Variants in NEB observed in about 807,000 individuals in gnomAD.
NEB encodes nemaline myopathy type 2.
Under a neutral mutation model 952.2 loss-of-function variants are expected in NEB, and 512 were observed. That is an observed-to-expected ratio of 0.54 (90% CI 0.50 to 0.58). The LOEUF (loss-of-function observed/expected upper bound fraction) is 0.58, where lower values mean the gene tolerates loss of function less well. NEB is among the 20% of genes least tolerant of loss of function. NEB has a pLI of 0.00. For synonymous variants in NEB, 2,900 were observed against 3,149.8 expected (o/e 0.92, Z 2.66); for missense variants, 8,428 against 9,231.1 (o/e 0.91, Z 3.56).
At chr2:151,688,252 A>G (rs780405099) in intron 25 of NEB, 40 bp downstream of exon 25, 2 of 1,426,418 alleles carry the variant, frequency 1.4e-6, no homozygotes, top group Non-Finnish European at 2.0e-6. Flanking sequence ...TTCTCTTTTC[A>G]TGTACACCAA....
chr2:151,613,798 T>G (rs2098107650), intron 77 of NEB, among the ~76,000 whole-genome samples: 1 of 152,174 alleles, frequency 6.6e-6, no homozygotes, highest in Non-Finnish European at 1.5e-5. Flanking sequence ...CATGTGAAGA[T>G]GTGCCTGCTT....
chr2:151,529,502 A>G (rs1246463874), intron 145 of NEB, among the ~76,000 whole-genome samples, 188 bp from the exon 146 acceptor site: 4 of 152,036 alleles, frequency 2.6e-5, no homozygotes, highest in Admixed American at 2.6e-4. Flanking sequence ...AGATCAGGGC[A>G]CACTGACTAT....
intron 130 of NEB, 46 bp downstream of exon 130, chr2:151,549,590 G>A (rs374812946): frequency 2.4e-6 from 3 of 1,273,154 alleles, no homozygotes; most frequent in Admixed American, 2.0e-5. Flanking sequence ...TGAGTCTCCT[G>A]CCACCCCACC....
chr2:151,537,178 GT>G lies in NEB; in HGVS notation c.21160del (p.Thr7054ProfsTer48). 6.2e-7 allele frequency: 1 copy of G among 1,613,128 alleles called. No homozygotes were observed. The highest frequency in any genetic ancestry group is 1.1e-5 in the South Asian group (1 of 91,042). Reference sequence around the variant, plus strand: ...CTTTTCAGCCAGAGTGAAATCAGGGGTATCATAGGCATAGCAACCAATGCCT... The same window carrying G: ...CTTTTCAGCCAGAGTGAAATCAGGGGATCATAGGCATAGCAACCAATGCCT... ...LKGIGCYAYD[T>X]PDFTLAEKNK... On this transcript the variant is annotated frameshift_variant, in exon 141 of 182. Coordinates refer to ENST00000397345, the MANE Select transcript of NEB (RefSeq NM_001164508.2). LOFTEE classifies it high-confidence loss of function.
chr2:151,706,802 T>C lies in NEB; in HGVS notation c.1152+79A>G, dbSNP rs2149865543. 7 of 983,774 alleles carry C rather than the reference T, an allele frequency of 7.1e-6. 1 individual carries two copies. In the South Asian group the frequency reaches 1.0e-4, roughly 14 times the overall value. 60.9% of individuals were successfully genotyped at this position (983,774 alleles called of 1,614,324 possible). Reference sequence around the variant, plus strand: ...TTAATGTATTTGCAAAGTTATATATTCATTTAGTCATTAAAGGAGAAAATT... The same window carrying C: ...TTAATGTATTTGCAAAGTTATATATCCATTTAGTCATTAAAGGAGAAAATT... On this transcript the variant is annotated intron_variant, in intron 13 of 181. Transcript: ENST00000397345.
intron 69 of NEB, 33 bp downstream of exon 69, chr2:151,627,490 T>C: frequency 6.2e-7 from 1 of 1,605,718 alleles, no homozygotes; most frequent in Non-Finnish European, 8.5e-7. Context: ...ATTACTATTA[T>C]GAGCACAGTT....
chr2:151,629,847 A>G (rs2098625708), intron 67 of NEB, among the ~76,000 whole-genome samples: 1 of 152,194 alleles, frequency 6.6e-6, no homozygotes, highest in Non-Finnish European at 1.5e-5. Context: ...ATATCAATGA[A>G]CATTAATATA....
chr2:151,521,709 C>T (rs188256987), intron 153 of NEB, among the ~76,000 whole-genome samples: 69 of 152,204 alleles, frequency 4.5e-4, no homozygotes, highest in African/African-American at 1.5e-3. Context: ...CCATTGATTC[C>T]ACTTCAGTTT....
chr2:151,680,372 ATTT>A (rs5835376), intron 30 of NEB, among the ~76,000 whole-genome samples: 6 of 145,774 alleles, frequency 4.1e-5, no homozygotes, highest in African/African-American at 7.5e-5. Context: ...ATTATATATG[ATTT>A]TTTTTTTTTT....
intron 160 of NEB, among the ~76,000 whole-genome samples, chr2:151,513,138 CAAAT>C (rs1485327948): frequency 1.3e-5 from 2 of 152,036 alleles, no homozygotes; most frequent in African/African-American, 4.8e-5. Flanking sequence ...GGGAGGATGA[CAAAT>C]AAGCAAAAGA....
intron 10 of NEB, among the ~76,000 whole-genome samples, chr2:151,712,672 T>C (rs2099748434): frequency 6.6e-6 from 1 of 151,982 alleles, no homozygotes; most frequent in Admixed American, 6.6e-5. Flanking sequence ...TCTGTCTCAT[T>C]TGTGAGTAGG....
chr2:151,703,933 G>A (rs1399839313), intron 13 of NEB, among the ~76,000 whole-genome samples: 31 of 132,882 alleles, frequency 2.3e-4, no homozygotes, highest in African/African-American at 4.5e-4. Context: ...GAGGAGAGGC[G>A]CTCTGCGTTT....
intron 143 of NEB, chr2:151,532,151 C>A: frequency 3.2e-6 from 1 of 311,958 alleles, no homozygotes; most frequent in Non-Finnish European, 6.0e-6. Context: ...GGCTGGAGTG[C>A]AGTGGTGCGA....
At chr2:151,689,925 A>G (rs1337507073) in intron 24 of NEB, 1 of 152,196 alleles carries the variant, frequency 6.6e-6, no homozygotes, top group East Asian at 1.9e-4. Flanking sequence ...ATTAAAATAT[A>G]TTTTATAGTA....
chr2:151,624,472 C>G (rs1391355530), intron 71 of NEB, among the ~76,000 whole-genome samples: 1 of 152,110 alleles, frequency 6.6e-6, no homozygotes, highest in East Asian at 1.9e-4. Flanking sequence ...CTGAGAAGCT[C>G]TGTGGCCAAG....
chr2:151,723,505 A>G lies in NEB; in HGVS notation c.613-19T>C. The G allele has an allele frequency of 6.4e-7, 1 of 1,552,078 alleles. No homozygotes were observed. Among genetic ancestry groups the G allele is most frequent in the Non-Finnish European group, 8.8e-7 (1 of 1,135,050 alleles). ...ACAGTTTCTAAATCAAAAAAGAGTG[A>G]AAAGTTAGGAGGAAGTAGGGTCACG... On this transcript the variant is annotated intron_variant, in intron 8 of 181. Transcript: ENST00000397345.
chr2:151,618,193 T>G, intron 74 of NEB, 82 bp downstream of exon 74: 2 of 1,279,142 alleles, frequency 1.6e-6, no homozygotes, highest in Non-Finnish European at 2.3e-6. Flanking sequence ...TATTATTATC[T>G]TTAAAATGCA....
intron 51 of NEB, among the ~76,000 whole-genome samples, chr2:151,654,757 A>C (rs1290344489): frequency 2.0e-5 from 3 of 152,326 alleles, no homozygotes; most frequent in African/African-American, 7.2e-5. Flanking sequence ...GGAAAGTGAG[A>C]CTTAGATAGG....
rs2097297407 is a variant in NEB at position 151,592,039 on chromosome 2, T to G, written c.14821A>C (p.Ser4941Arg). Residue 4941 changes from serine (S) to arginine (R), a missense_variant, in exon 95 of 182, where the codon AGC becomes CGC. Ser to Arg is a moderately radical substitution (Grantham distance 110). Transcript: ENST00000397345. ...LQSKINALQI[S>R]NKRYQQAWED... ...AATGATGTGCGCTGTCTTACATTGC[T>G]GATCTGCAGAGCATTGATTTTGGAT... is the stretch of plus-strand genomic sequence containing the variant. 2 of 1,549,540 alleles carry G rather than the reference T, an allele frequency of 1.3e-6. No individual in the cohort carries two copies. The highest frequency in any genetic ancestry group is 1.7e-6 in the Non-Finnish European group (2 of 1,146,836).
Sources: allele counts gnomAD v4.1 joint callset (sites outside exome capture counted in the v4.1 genomes callset), GRCh38; gene constraint gnomAD v4.1.1; transcripts MANE v1.5; gene names NCBI Gene and HGNC (gene_info 2026-07-23, HGNC 2026-07-21).